Variants in EPB41L3 observed in about 807,000 individuals in gnomAD.
EPB41L3 encodes the protein erythrocyte membrane protein band 4.1 like 3, also known as band 4.1-like protein 3.
Under a neutral mutation model 127.1 loss-of-function variants are expected in EPB41L3, and 57 were observed. That is an observed-to-expected ratio of 0.45 (90% confidence interval 0.36 to 0.56). The LOEUF (loss-of-function observed/expected upper bound fraction) is 0.56. Ranked by LOEUF, EPB41L3 falls within the 20% of genes least tolerant of loss-of-function variation. The pLI is 0.00. For synonymous variants in EPB41L3, 572 were observed against 549.5 expected (o/e 1.04, Z -0.57); for missense variants, 1,273 against 1,372.2 (o/e 0.93, Z 1.14).
In EPB41L3 at chr18:5,455,153, T is replaced by A. The variant is rs566613185; in HGVS notation, c.382-9909A>T. 1.4e-4 allele frequency among the ~76,000 whole-genome samples: 22 copies of A among 152,330 alleles called. 1 individual carries two copies. The South Asian group carries it at 4.6e-3, about 32-fold the overall frequency. On this transcript the variant is annotated intron_variant, in intron 3 of 22. Transcript: ENST00000341928. ...AAGCATCAACAATAAATGCGGGTGA[T>A]TATTATTAGGCCTTTTTCATAAGGA...
intron 1 of EPB41L3, among the ~76,000 whole-genome samples, chr18:5,497,181 A>G (rs1159637618): frequency 6.6e-6 from 1 of 152,206 alleles, no homozygotes; most frequent in Non-Finnish European, 1.5e-5. Flanking sequence ...GAGGGGTACA[A>G]GATAAGGTAG....
intron 3 of EPB41L3, among the ~76,000 whole-genome samples, chr18:5,549,850 CGG>C (rs2093939736): frequency 6.6e-6 from 1 of 152,064 alleles, no homozygotes; most frequent in Non-Finnish European, 1.5e-5. Context: ...GAACCGAAAA[CGG>C]GTGGAAAAAC....
rs763183987 is a variant in EPB41L3, at chr18:5,443,889, GA to G, written c.487-10del. 1.2e-6 allele frequency: 2 copies of G among 1,604,798 alleles called. No homozygotes were observed. Among genetic ancestry groups the G allele is most frequent in the Admixed American group, 3.4e-5 (2 of 58,240 alleles). ...GCAGGGTCCAACCAATTCTGAAAAGGAAATGACATTTTGAATTTGAATCAGA... is the reference window on the plus strand; with the variant it reads ...GCAGGGTCCAACCAATTCTGAAAAGGAATGACATTTTGAATTTGAATCAGA... On this transcript the variant is annotated splice_polypyrimidine_tract_variant and intron_variant, in intron 4 of 22. Coordinates refer to ENST00000341928, the MANE Select transcript of EPB41L3 (RefSeq NM_012307.5).
chr18:5,449,877 T>C (rs1051324911), intron 3 of EPB41L3, among the ~76,000 whole-genome samples: 6 of 152,210 alleles, frequency 3.9e-5, no homozygotes, highest in Non-Finnish European at 7.3e-5. Flanking sequence ...TAAAGTTTAA[T>C]TTATAAAATA....
At chr18:5,456,518 A>T (rs7229320) in intron 3 of EPB41L3, among the ~76,000 whole-genome samples, 59,641 of 152,196 alleles carry the variant, frequency 0.39, 11,802 homozygotes, top group East Asian at 0.47. Flanking sequence ...ATGATGCTTC[A>T]TTCAGTCTTG....
At position 5,443,837 on chromosome 18, in the gene EPB41L3, C is replaced by T. The variant is rs752178371; in HGVS notation, c.529+1G>A. 1.2e-6 allele frequency: 2 copies of T among 1,609,136 alleles called. No individual in the cohort carries two copies. Among genetic ancestry groups the T allele is most frequent in the Non-Finnish European group, 1.7e-6 (2 of 1,178,238 alleles). ...ACAAAAAATAATCCAAAAGAACTTA[C>T]TTCGAACCTGTTTTTTTATTTCCTT... On this transcript the variant is annotated splice_donor_variant, in intron 5 of 22. Coordinates refer to ENST00000341928, the MANE Select transcript of EPB41L3 (RefSeq NM_012307.5). LOFTEE classifies it high-confidence loss of function.
upstream of EPB41L3, among the ~76,000 whole-genome samples, chr18:5,547,657 G>C (rs905286343): frequency 6.6e-6 from 1 of 152,144 alleles, no homozygotes; most frequent in African/African-American, 2.4e-5. Flanking sequence ...AGAGAAAAGG[G>C]TGCAGCTTAC....
chr18:5,462,236 G>A (rs761228799), intron 3 of EPB41L3, among the ~76,000 whole-genome samples: 1 of 152,032 alleles, frequency 6.6e-6, no homozygotes, highest in Non-Finnish European at 1.5e-5. Context: ...GACATCAGTC[G>A]GTCCTCATAA....
At position 5,575,836 on chromosome 18, in the gene EPB41L3, C is replaced by CA. The variant is rs1292532711; in HGVS notation, c.-306+36503dup. On this transcript the variant is annotated intron_variant, in intron 3 of 21. Coordinates refer to the EPB41L3 transcript ENST00000545076. Reference sequence around the variant, plus strand: ...TTGGTGACAGAGTGAGACTCCGTCTCAAAAAAAAAGCATCTAATACAGCCT... The same window carrying CA: ...TTGGTGACAGAGTGAGACTCCGTCTCAAAAAAAAAAGCATCTAATACAGCCT... Among the ~76,000 whole-genome samples, 22 of 150,466 alleles carry CA rather than the reference C, an allele frequency of 1.5e-4. No homozygotes were observed. The East Asian group carries it at 2.5e-3, about 17-fold the overall frequency.
At chr18:5,478,765 T>C (rs1174516952) in intron 2 of EPB41L3, among the ~76,000 whole-genome samples, 2 of 152,230 alleles carry the variant, frequency 1.3e-5, no homozygotes, top group Non-Finnish European at 1.5e-5. Context: ...TATAGGCCTC[T>C]AAAATATACT....
At chr18:5,575,832 G>A (rs971470140) in intron 3 of EPB41L3, among the ~76,000 whole-genome samples, 6 of 151,790 alleles carry the variant, frequency 4.0e-5, no homozygotes, top group African/African-American at 7.3e-5. Context: ...GTGAGACTCC[G>A]TCTCAAAAAA....
chr18:5,398,920 G>C, intron 16 of EPB41L3: 1 of 399,116 alleles, frequency 2.5e-6, no homozygotes, highest in Non-Finnish European at 4.4e-6. Flanking sequence ...TCCTTGATGG[G>C]GGCCAGGGAT....
At chr18:5,628,687 C>A (rs2094951979) in intron 1 of EPB41L3, among the ~76,000 whole-genome samples, 1 of 152,210 alleles carries the variant, frequency 6.6e-6, no homozygotes, top group South Asian at 2.1e-4. Flanking sequence ...AGAGGGAAAG[C>A]GAAAGACGCG....
intron 3 of EPB41L3, among the ~76,000 whole-genome samples, chr18:5,561,336 C>T (rs1392714345): frequency 6.6e-6 from 1 of 151,840 alleles, no homozygotes; most frequent in Non-Finnish European, 1.5e-5. Flanking sequence ...CTTTTGGTGC[C>T]AGAAAGTAAA....
At chr18:5,486,898 CACT>C (rs1427785481) in intron 2 of EPB41L3, among the ~76,000 whole-genome samples, 1 of 152,076 alleles carries the variant, frequency 6.6e-6, no homozygotes, top group Admixed American at 6.5e-5. Context: ...TTCATACAGC[CACT>C]GTGAAAAACA....
intron 1 of EPB41L3, chr18:5,539,807 C>T (rs2093672175): frequency 6.6e-6 from 1 of 152,164 alleles, no homozygotes; most frequent in East Asian, 1.9e-4. Flanking sequence ...ATCATCTCTG[C>T]ACTAGAATTC....
intron 12 of EPB41L3, among the ~76,000 whole-genome samples, chr18:5,418,316 A>G (rs1403449146): frequency 1.3e-5 from 2 of 152,224 alleles, no homozygotes; most frequent in African/African-American, 4.8e-5. Flanking sequence ...ATATAAACAA[A>G]CTGGTGGTCT....
Position 5,469,467 on chromosome 18 carries a change from C to A in EPB41L3, c.381+8774G>T, listed in dbSNP as rs575193294. On this transcript the variant is annotated intron_variant, in intron 3 of 22. Transcript: ENST00000341928. Reference sequence around the variant, plus strand: ...CCAGCATGCCTGGCTGTGTGTATGCCTGGCTGTGTGTAGTGGCTGGACCCC... The same window carrying A: ...CCAGCATGCCTGGCTGTGTGTATGCATGGCTGTGTGTAGTGGCTGGACCCC... Among the ~76,000 whole-genome samples, 26 of 119,364 alleles carry A rather than the reference C, an allele frequency of 2.2e-4. No homozygotes were observed. In the Admixed American group the frequency reaches 2.3e-3, roughly 11 times the overall value. 78.3% of individuals were successfully genotyped at this position (119,364 alleles called of 152,430 possible).
Position 5,438,251 on chromosome 18 carries a change from A to G in EPB41L3, c.530-141T>C. 5 of 639,988 alleles carry G rather than the reference A, an allele frequency of 7.8e-6. No homozygotes were observed. The South Asian group carries it at 1.0e-4, about 13-fold the overall frequency. The allele number at this position is 639,988 out of a possible 1,614,324, so 39.6% of individuals were successfully genotyped here. A position where few individuals can be genotyped will look rare whatever the true frequency, so the allele number is the denominator to read the frequency against. ...TGGAAAACTGGGAAACCTTGGTCAC[A>G]TGAAATCTACAGATAAGTCTGAAAC... is the stretch of plus-strand genomic sequence containing the variant. On this transcript the variant is annotated intron_variant, in intron 5 of 22. Coordinates refer to ENST00000341928, the MANE Select transcript of EPB41L3 (RefSeq NM_012307.5).
Sources: gnomAD v4.1 joint callset for allele counts (sites outside exome capture counted in the v4.1 genomes callset) on GRCh38, gnomAD v4.1.1 for gene constraint, MANE v1.5 for transcripts, NCBI Gene and HGNC (gene_info 2026-07-23, HGNC 2026-07-21) for gene names.